Variants in NOS2 observed in about 807,000 individuals in gnomAD.
The protein encoded by NOS2 is nitric oxide synthase, inducible.
NOS2 carries 96 observed loss-of-function variants against 136.0 expected under a neutral mutation model. That is an observed-to-expected ratio of 0.71 (90% CI 0.60 to 0.84). The LOEUF (loss-of-function observed/expected upper bound fraction) is 0.84. Among genes scored for constraint, NOS2 ranks in the 40% least tolerant of loss-of-function variants. The pLI, the probability that NOS2 is intolerant of heterozygous loss-of-function variation, is 0.00. For missense variants in NOS2, 1,237 were observed against 1,496.9 expected (o/e 0.83, Z 2.87); for synonymous variants, 539 against 587.5 (o/e 0.92, Z 1.20).
At chr17:27,777,596 T>A (rs16966545) in intron 11 of NOS2, among the ~76,000 whole-genome samples, 29,373 of 152,150 alleles carry the variant, frequency 0.19, 2,915 homozygotes, top group Middle Eastern at 0.25. Flanking sequence ...CCAGGCCAGA[T>A]CGCGGATGTG....
chr17:27,792,639 C>G (rs556160108), intron 2 of NOS2, among the ~76,000 whole-genome samples: 1 of 151,916 alleles, frequency 6.6e-6, no homozygotes, highest in Admixed American at 6.6e-5. Flanking sequence ...TGACTAAACC[C>G]ACAGCTGTGC....
chr17:27,761,258 C>T (rs1209403241), intron 22 of NOS2, 27 bp from the exon 23 acceptor site: 14 of 1,569,054 alleles, frequency 8.9e-6, no homozygotes, highest in Middle Eastern at 2.3e-4. Flanking sequence ...AAGTGACCAA[C>T]GTCCCCCCAC....
At chr17:27,798,562 G>A (rs71653626) in intron 2 of NOS2, 138 bp downstream of exon 2, 174 of 648,938 alleles carry the variant, frequency 2.7e-4, no homozygotes, top group Non-Finnish European at 4.4e-4. Context: ...AATTCCAACA[G>A]GGACTTTCAA....
At chr17:27,793,744 C>G in intron 2 of NOS2, 1 of 390,300 alleles carries the variant, frequency 2.6e-6, no homozygotes, top group East Asian at 3.7e-5. Context: ...CCTCCCAGCG[C>G]CCGCGCTTTA....
intron 1 of NOS2, 114 bp downstream of exon 1, chr17:27,800,225 C>T (rs1165188020): frequency 6.6e-6 from 1 of 152,214 alleles, no homozygotes; most frequent in East Asian, 1.9e-4. Flanking sequence ...CCTAGACTTT[C>T]CAACACCTTC....
chr17:27,787,087 A>C (rs567646523), intron 5 of NOS2, among the ~76,000 whole-genome samples: 8 of 152,310 alleles, frequency 5.3e-5, no homozygotes, highest in African/African-American at 1.9e-4. Flanking sequence ...GGTCAGGGCA[A>C]AGAGCAATGG....
intron 2 of NOS2, among the ~76,000 whole-genome samples, chr17:27,794,952 A>G (rs914718358): frequency 2.0e-5 from 3 of 152,050 alleles, no homozygotes; most frequent in African/African-American, 7.3e-5. Context: ...ACCTGAGTGG[A>G]TGTTGCACTC....
intron 2 of NOS2, chr17:27,793,738 C>T (rs548028475): frequency 2.6e-6 from 1 of 390,882 alleles, no homozygotes; most frequent in East Asian, 3.6e-5. Flanking sequence ...CACGCGCCTC[C>T]CAGCGCCCGC....
At chr17:27,795,059 A>C (rs1909313359) in intron 2 of NOS2, among the ~76,000 whole-genome samples, 1 of 150,394 alleles carries the variant, frequency 6.6e-6, no homozygotes, top group African/African-American at 2.5e-5. Context: ...GCACGGTCCC[A>C]GTACACCCAC....
At chr17:27,784,332 A>C (rs1345393090) in intron 5 of NOS2, among the ~76,000 whole-genome samples, 1 of 152,216 alleles carries the variant, frequency 6.6e-6, no homozygotes, top group African/African-American at 2.4e-5. Flanking sequence ...TTCCTTGATT[A>C]GAGAAAAAAA....
chr17:27,768,764 A>C (rs1473415293), intron 17 of NOS2, among the ~76,000 whole-genome samples: 2 of 152,184 alleles, frequency 1.3e-5, no homozygotes, highest in Admixed American at 1.3e-4. Flanking sequence ...TCTCCCCCAG[A>C]GTTGTGTGCA....
Position 27,794,362 on chromosome 17 carries a change from G to T in NOS2, c.110+4338C>A, listed in dbSNP as rs867325904. On this transcript the variant is annotated intron_variant, in intron 2 of 26. Coordinates refer to ENST00000313735, the MANE Select transcript of NOS2 (RefSeq NM_000625.4). The stretch of plus-strand genomic sequence containing the variant: ...CAGGAGGGATCGTAAGCCCCTTCCG[G>T]TGCCTTGCAGGCCCCTTGTCCTTGC... 1.3e-5 allele frequency among the ~76,000 whole-genome samples: 2 copies of T among 152,194 alleles called. 1 individual carries two copies. Among genetic ancestry groups the T allele is most frequent in the African/African-American group, 4.8e-5 (2 of 41,440 alleles).
In NOS2 at chr17:27,761,246, C is replaced by A. The variant is rs1343428216; in HGVS notation, c.2801-15G>T. 6.3e-7 allele frequency: 1 copy of A among 1,592,920 alleles called. No homozygotes were observed. The highest frequency in any genetic ancestry group is 8.5e-7 in the Non-Finnish European group (1 of 1,170,650). ...ACCCTGGCCATCTGCAACGATACCA[C>A]AAAGTGACCAACGTCCCCCCACTGC... On this transcript the variant is annotated splice_polypyrimidine_tract_variant and intron_variant, in intron 22 of 26. Transcript: ENST00000313735.
intron 2 of NOS2, chr17:27,793,870 C>A (rs1389482137): frequency 1.6e-5 from 6 of 368,732 alleles, no homozygotes; most frequent in Non-Finnish European, 2.9e-5. Flanking sequence ...CCTTCCCCGG[C>A]GATCCCGGGA....
At chr17:27,774,019 A>AC (rs1908582935) in intron 12 of NOS2, among the ~76,000 whole-genome samples, 3 of 150,994 alleles carry the variant, frequency 2.0e-5, no homozygotes, top group African/African-American at 4.9e-5. Flanking sequence ...GTAATGACAG[A>AC]CCCCCCATCT....
Position 27,769,025 on chromosome 17 carries a change from G to A in NOS2, c.1986C>T (p.Leu662=), listed in dbSNP as rs1908401408. 1 of 1,612,484 alleles carries A rather than the reference G, an allele frequency of 6.2e-7. No individual in the cohort carries two copies. Among genetic ancestry groups the A allele is most frequent in the South Asian group, 1.1e-5 (1 of 90,756 alleles). Residue 662 remains leucine (L), a synonymous_variant, in exon 17 of 27, where the codon CTC becomes CTT. Transcript: ENST00000313735. ...TGCGGAAGGCGTCCTCCTGCCCACT[G>A]AGCTCATCCCCTTCTCCCATCGGGG... ...QLTPMGEGDE[L]SGQEDAFRSW...
At chr17:27,789,298 C>A (rs1352125663) in intron 3 of NOS2, among the ~76,000 whole-genome samples, 1 of 152,226 alleles carries the variant, frequency 6.6e-6, no homozygotes, top group African/African-American at 2.4e-5. Flanking sequence ...ATATAAGCCA[C>A]CCTCTCTCCC....
At chr17:27,767,955 TA>T in intron 17 of NOS2, 118 bp from the exon 18 acceptor site, 1 of 1,330,820 alleles carries the variant, frequency 7.5e-7, no homozygotes, top group Non-Finnish European at 1.0e-6. Flanking sequence ...GTGTTTCGTG[TA>T]ACTTCGAAGC....
At chr17:27,774,128 G>A (rs1277131299) in intron 12 of NOS2, 129 bp downstream of exon 12, 2 of 600,432 alleles carry the variant, frequency 3.3e-6, no homozygotes, top group South Asian at 6.5e-5. Context: ...AGTGGGGCCT[G>A]GAAAGCTCTA....
Sources: allele counts gnomAD v4.1 joint callset (sites outside exome capture counted in the v4.1 genomes callset), GRCh38; gene constraint gnomAD v4.1.1; transcripts MANE v1.5; gene names NCBI Gene and HGNC (gene_info 2026-07-23, HGNC 2026-07-21).